Variants in UNC5D observed in about 807,000 individuals in gnomAD.
UNC5D encodes netrin receptor UNC5D.
A neutral mutation model predicts 105.4 loss-of-function variants in UNC5D; 39 were observed. The ratio of observed to expected loss-of-function variants is 0.37; its 90% CI spans 0.29 to 0.48. The LOEUF (loss-of-function observed/expected upper bound fraction) is 0.48, where lower values mean the gene tolerates loss of function less well. Among genes scored for constraint, UNC5D ranks in the 20% least tolerant of loss-of-function variants. The probability of loss-of-function intolerance (pLI) is 0.98; values close to 1 mark genes in which losing one functional copy is unlikely to be tolerated. For synonymous variants in UNC5D, 452 were observed against 450.4 expected, an observed-to-expected ratio of 1.00 and a Z score of -0.04; for missense variants, 991 against 1,202.4, an observed-to-expected ratio of 0.82 and a Z score of 2.60.
chr8:35,599,660 T>G (rs1414566308), intron 4 of UNC5D, among the ~76,000 whole-genome samples: 1 of 152,168 alleles, frequency 6.6e-6, no homozygotes, highest in Non-Finnish European at 1.5e-5. Context: ...CATTTTGGCT[T>G]TGTTTTGTTT....
At chr8:35,246,202 C>G (rs543192010) in intron 1 of UNC5D, among the ~76,000 whole-genome samples, 2 of 152,198 alleles carry the variant, frequency 1.3e-5, no homozygotes, top group East Asian at 3.9e-4. Context: ...TGATGCCGCC[C>G]TTTGTTTTCT....
At chr8:35,786,542 C>A (rs554830634) in intron 16 of UNC5D, among the ~76,000 whole-genome samples, 2 of 152,208 alleles carry the variant, frequency 1.3e-5, no homozygotes, top group East Asian at 3.9e-4. Flanking sequence ...GACAATGATT[C>A]ATTAGAAGCC....
At chr8:35,425,348 C>T (rs2128969754) in intron 1 of UNC5D, among the ~76,000 whole-genome samples, 1 of 152,264 alleles carries the variant, frequency 6.6e-6, no homozygotes, top group African/African-American at 2.4e-5. Flanking sequence ...TGGGAAGTTT[C>T]CACTTCAGTC....
chr8:35,274,397 G>A (rs958045590), intron 1 of UNC5D, among the ~76,000 whole-genome samples: 1 of 152,192 alleles, frequency 6.6e-6, no homozygotes, highest in African/African-American at 2.4e-5. Flanking sequence ...AAAAGGGAGA[G>A]AAAATAATTG....
intron 9 of UNC5D, among the ~76,000 whole-genome samples, chr8:35,724,476 AT>A (rs962286721): frequency 6.6e-6 from 1 of 152,090 alleles, no homozygotes. Context: ...TTGAAAAAGG[AT>A]TTCCAAAGAG....
At chr8:35,529,104 T>G (rs1244291650) in intron 1 of UNC5D, among the ~76,000 whole-genome samples, 2 of 143,176 alleles carry the variant, frequency 1.4e-5, no homozygotes, top group African/African-American at 2.7e-5. Flanking sequence ...TTTGGTGTTT[T>G]GGACATGAAG....
At chr8:35,365,248 C>G (rs1324008606) in intron 1 of UNC5D, among the ~76,000 whole-genome samples, 1 of 152,018 alleles carries the variant, frequency 6.6e-6, no homozygotes, top group Non-Finnish European at 1.5e-5. Flanking sequence ...GTATATCCCT[C>G]CTGTGTTTCA....
intron 1 of UNC5D, among the ~76,000 whole-genome samples, chr8:35,301,261 T>C (rs1468688561): frequency 6.6e-6 from 1 of 152,166 alleles, no homozygotes; most frequent in Non-Finnish European, 1.5e-5. Flanking sequence ...GAGTTCCCAA[T>C]GGTCAAAGGT....
At chr8:35,511,682 G>T (rs183689600) in intron 1 of UNC5D, among the ~76,000 whole-genome samples, 35 of 150,146 alleles carry the variant, frequency 2.3e-4, no homozygotes, top group African/African-American at 8.1e-4. Flanking sequence ...GAAAGAAGAA[G>T]AATTGTCTTG....
chr8:35,489,757 T>C (rs1335059960), intron 1 of UNC5D, among the ~76,000 whole-genome samples: 1 of 152,226 alleles, frequency 6.6e-6, no homozygotes, highest in African/African-American at 2.4e-5. Context: ...GCCCATTGTA[T>C]TGGTGCTGTC....
At chr8:35,342,007 T>C (rs1215622296) in intron 1 of UNC5D, among the ~76,000 whole-genome samples, 2 of 152,134 alleles carry the variant, frequency 1.3e-5, no homozygotes, top group African/African-American at 2.4e-5. Context: ...CTCTTTTTTT[T>C]CCCCGTTGTT....
chr8:35,662,155 T>C (rs188885814), intron 4 of UNC5D, among the ~76,000 whole-genome samples: 1 of 139,476 alleles, frequency 7.2e-6, no homozygotes, highest in East Asian at 2.1e-4. Context: ...TTACGTTTAG[T>C]AGAGTCCAAA....
chr8:35,524,390 T>C (rs1235006268), intron 1 of UNC5D, among the ~76,000 whole-genome samples: 1 of 144,754 alleles, frequency 6.9e-6, no homozygotes, highest in East Asian at 2.1e-4. Flanking sequence ...AAATTCTATC[T>C]GCACACTGGC....
intron 7 of UNC5D, among the ~76,000 whole-genome samples, chr8:35,689,848 T>C (rs1386074862): frequency 6.6e-6 from 1 of 152,196 alleles, no homozygotes; most frequent in Non-Finnish European, 1.5e-5. Flanking sequence ...TCTAGAATAA[T>C]ATATGACTTG....
At chr8:35,682,845 G>A (rs1351145223) in intron 4 of UNC5D, among the ~76,000 whole-genome samples, 1 of 152,210 alleles carries the variant, frequency 6.6e-6, no homozygotes, top group Non-Finnish European at 1.5e-5. Flanking sequence ...GGAGTACCCT[G>A]TGCTCAGAGG....
At chr8:35,246,077 A>G (rs1489520650) in intron 1 of UNC5D, among the ~76,000 whole-genome samples, 1 of 152,168 alleles carries the variant, frequency 6.6e-6, no homozygotes, top group Non-Finnish European at 1.5e-5. Context: ...GTGGGGGGCT[A>G]GAAAGTTCAC....
chr8:35,238,464 CACT>C (rs1802605341), intron 1 of UNC5D, among the ~76,000 whole-genome samples: 1 of 152,222 alleles, frequency 6.6e-6, no homozygotes, highest in Non-Finnish European at 1.5e-5. Flanking sequence ...GTAAGGAAGG[CACT>C]CTGGTGCCAT....
At chr8:35,343,306 T>C (rs981714643) in intron 1 of UNC5D, among the ~76,000 whole-genome samples, 4 of 152,148 alleles carry the variant, frequency 2.6e-5, no homozygotes, top group Non-Finnish European at 5.9e-5. Flanking sequence ...TGTGTATTTT[T>C]AGGTCTTGTT....
chr8:35,354,265 TC>T (rs371929206), intron 1 of UNC5D, among the ~76,000 whole-genome samples: 3 of 151,942 alleles, frequency 2.0e-5, no homozygotes, highest in African/African-American at 4.8e-5. Context: ...CTCTTTTCTT[TC>T]CCCCCCTCTC....
Sources: gnomAD v4.1 joint callset for allele counts (sites outside exome capture counted in the v4.1 genomes callset) on GRCh38, gnomAD v4.1.1 for gene constraint, MANE v1.5 for transcripts, NCBI Gene and HGNC (gene_info 2026-07-23, HGNC 2026-07-21) for gene names.